The following GRM5 variants were observed in gnomAD, a reference collection of about 807,000 sequenced individuals.
The protein encoded by GRM5 is glutamate metabotropic receptor 5.
A neutral mutation model predicts 83.1 loss-of-function variants in GRM5; 19 were observed. The observed-to-expected ratio is 0.23, with a 90% confidence interval of 0.16 to 0.34. The LOEUF (loss-of-function observed/expected upper bound fraction) is 0.34. GRM5 is among the 10% of genes least tolerant of loss of function. The probability of loss-of-function intolerance (pLI) is 1.00; values close to 1 mark genes in which losing one functional copy is unlikely to be tolerated. For synonymous variants in GRM5, 675 were observed against 633.6 expected (o/e 1.07, Z -0.98); for missense variants, 1,160 against 1,588.3 (o/e 0.73, Z 4.58).
intron 3 of GRM5, among the ~76,000 whole-genome samples, chr11:88,846,479 C>G (rs762438031): frequency 1.3e-5 from 2 of 152,174 alleles, no homozygotes; most frequent in Non-Finnish European, 2.9e-5. Context: ...GTGTATCATT[C>G]TAACATTCTA....
chr11:88,544,324 C>T (rs1305277592), intron 8 of GRM5, among the ~76,000 whole-genome samples: 2 of 152,170 alleles, frequency 1.3e-5, no homozygotes, highest in East Asian at 1.9e-4. Flanking sequence ...AGCAGACAAG[C>T]CTTGCTTTCC....
chr11:88,897,479 G>T (rs1590947616), intron 2 of GRM5, among the ~76,000 whole-genome samples: 1 of 151,978 alleles, frequency 6.6e-6, no homozygotes, highest in Non-Finnish European at 1.5e-5. Flanking sequence ...CAGGTAAGAT[G>T]CATGAAATAA....
chr11:88,878,708 A>T (rs905149574), intron 2 of GRM5, among the ~76,000 whole-genome samples: 2 of 152,218 alleles, frequency 1.3e-5, no homozygotes, highest in African/African-American at 4.8e-5. Flanking sequence ...AACATGAATG[A>T]ATTAACGAAG....
In GRM5 at chr11:88,963,847, A is replaced by G. The variant is rs888243997; in HGVS notation, c.661+83365T>C. Among the ~76,000 whole-genome samples the G allele has an allele frequency of 2.6e-5, 4 of 152,198 alleles. No individual in the cohort carries two copies. In the East Asian group the frequency reaches 7.7e-4, roughly 29 times the overall value. On this transcript the variant is annotated intron_variant, in intron 2 of 9. Transcript: ENST00000305447. ...GAAAGCTGAAAACTCTCAGTACATTATGGCCAATATTTGGTAAAACTTGTC... is the reference window on the plus strand; with the variant it reads ...GAAAGCTGAAAACTCTCAGTACATTGTGGCCAATATTTGGTAAAACTTGTC...
chr11:88,965,148 C>T (rs1938912206), intron 2 of GRM5, among the ~76,000 whole-genome samples: 1 of 152,160 alleles, frequency 6.6e-6, no homozygotes, highest in Non-Finnish European at 1.5e-5. Flanking sequence ...AAGAAACGTA[C>T]TTGTTTTATT....
chr11:88,976,515 T>G (rs1324017389), intron 2 of GRM5, among the ~76,000 whole-genome samples: 1 of 148,448 alleles, frequency 6.7e-6, no homozygotes, highest in Admixed American at 6.8e-5. Context: ...TAAGAAAATT[T>G]AAAAATCCAA....
At chr11:88,651,095 C>T (rs1939619539) in intron 4 of GRM5, among the ~76,000 whole-genome samples, 2 of 151,930 alleles carry the variant, frequency 1.3e-5, no homozygotes, top group African/African-American at 2.4e-5. Flanking sequence ...AAGGTGCTCA[C>T]ATGAGAGATA....
chr11:88,565,992 C>A (rs1327369468), intron 8 of GRM5, among the ~76,000 whole-genome samples: 1 of 152,142 alleles, frequency 6.6e-6, no homozygotes. Flanking sequence ...GTAGGACTTT[C>A]CTGCAGGCTA....
At chr11:88,700,067 G>T (rs1940993252) in intron 3 of GRM5, among the ~76,000 whole-genome samples, 1 of 152,114 alleles carries the variant, frequency 6.6e-6, no homozygotes, top group African/African-American at 2.4e-5. Context: ...GAAGAAAAGT[G>T]GCCCAAAGTG....
chr11:88,794,345 C>T (rs1304524886), intron 3 of GRM5, among the ~76,000 whole-genome samples: 1 of 152,126 alleles, frequency 6.6e-6, no homozygotes, highest in African/African-American at 2.4e-5. Flanking sequence ...TCTGTAACAC[C>T]ATTCTGTGGA....
chr11:89,010,846 G>A (rs572652014), intron 2 of GRM5, among the ~76,000 whole-genome samples: 1 of 151,834 alleles, frequency 6.6e-6, no homozygotes, highest in South Asian at 2.1e-4. Context: ...GCCACACCAT[G>A]AGCTTGCAAA....
chr11:88,731,574 G>T (rs1047207029), intron 3 of GRM5, among the ~76,000 whole-genome samples: 1 of 151,904 alleles, frequency 6.6e-6, no homozygotes, highest in Non-Finnish European at 1.5e-5. Flanking sequence ...GAATATTTTG[G>T]TTTATCTTCC....
At chr11:89,022,977 G>A (rs1356639828) in intron 2 of GRM5, among the ~76,000 whole-genome samples, 1 of 152,104 alleles carries the variant, frequency 6.6e-6, no homozygotes, top group Non-Finnish European at 1.5e-5. Context: ...ACAAAATCAG[G>A]GATGGGTCCC....
chr11:88,920,014 C>T (rs11021674), intron 2 of GRM5, among the ~76,000 whole-genome samples: 5,853 of 151,860 alleles, frequency 0.039, 187 homozygotes, highest in African/African-American at 0.079. Context: ...GGGCAAGGCA[C>T]ACTCAAACTT....
intron 4 of GRM5, among the ~76,000 whole-genome samples, chr11:88,624,978 C>G (rs1938751999): frequency 6.6e-6 from 1 of 152,106 alleles, no homozygotes; most frequent in Non-Finnish European, 1.5e-5. Flanking sequence ...AGCCACTGTT[C>G]TGCATGAGGT....
In GRM5 at chr11:89,041,495, A is replaced by T. The variant is rs372087929; in HGVS notation, c.661+5717T>A. ...GCCAGAAATTGTATCATTAGAAATG[A>T]ATCTGAATATAGAAGAAACACTGCC... is the stretch of plus-strand genomic sequence containing the variant. On this transcript the variant is annotated intron_variant, in intron 2 of 9. Coordinates refer to ENST00000305447, the MANE Select transcript of GRM5 (RefSeq NM_001143831.3). Among the ~76,000 whole-genome samples the T allele has an allele frequency of 7.9e-5, 12 of 152,210 alleles. 1 individual carries two copies. The highest frequency in any genetic ancestry group is 2.7e-4 in the African/African-American group (11 of 41,448).
intron 2 of GRM5, among the ~76,000 whole-genome samples, chr11:88,957,303 G>A (rs1293626584): frequency 6.6e-6 from 1 of 152,172 alleles, no homozygotes; most frequent in Non-Finnish European, 1.5e-5. Flanking sequence ...ATGGAGAAGA[G>A]ACTAAAGAAC....
intron 2 of GRM5, among the ~76,000 whole-genome samples, chr11:88,856,791 A>C (rs192577937): frequency 7.2e-4 from 109 of 152,158 alleles, no homozygotes; most frequent in Middle Eastern, 3.4e-3. Context: ...GATGAGAGGA[A>C]GTTTTTAGAT....
chr11:88,507,995 A>G lies in GRM5; in HGVS notation c.*597T>C, dbSNP rs1281462676. ...TACATTAGCGCAGCACTCACTATCCAGTAGTGTGTTATGCATGGGACACAT... is the reference window on the plus strand; with the variant it reads ...TACATTAGCGCAGCACTCACTATCCGGTAGTGTGTTATGCATGGGACACAT... On this transcript the variant is annotated 3_prime_UTR_variant, in exon 10 of 10. Coordinates refer to ENST00000305447, the MANE Select transcript of GRM5 (RefSeq NM_001143831.3). 6.5e-6 allele frequency: 1 copy of G among 152,740 alleles called. No homozygotes were observed. Among genetic ancestry groups the G allele is most frequent in the African/African-American group, 2.4e-5 (1 of 41,446 alleles). 9.5% of individuals were successfully genotyped at this position (152,740 alleles called of 1,614,324 possible). A position where few individuals can be genotyped will look rare whatever the true frequency, so the allele number is the denominator to read the frequency against.
Sources: allele counts gnomAD v4.1 joint callset (sites outside exome capture counted in the v4.1 genomes callset), GRCh38; gene constraint gnomAD v4.1.1; transcripts MANE v1.5; gene names NCBI Gene and HGNC (gene_info 2026-07-23, HGNC 2026-07-21).